The following KCNJ16 variants were observed in gnomAD, a reference collection of about 807,000 sequenced individuals.
The protein encoded by KCNJ16 is potassium inwardly rectifying channel subfamily J member 16, also known as inward rectifier potassium channel 16.
KCNJ16 carries 15 observed loss-of-function variants against 18.5 expected under a neutral mutation model. The observed-to-expected ratio is 0.81, with a 90% confidence interval of 0.54 to 1.25. KCNJ16 has a LOEUF of 1.25. Ranked by LOEUF, KCNJ16 falls within the 50% of genes most tolerant of loss-of-function variation. KCNJ16 has a pLI of 0.00. For synonymous variants in KCNJ16, 174 were observed against 186.5 expected, an observed-to-expected ratio of 0.93 and a Z score of 0.55; for missense variants, 523 against 525.7, an observed-to-expected ratio of 0.99 and a Z score of 0.05.
At chr17:70,119,628 G>A (rs925811089) in intron 2 of KCNJ16, among the ~76,000 whole-genome samples, 93 of 152,190 alleles carry the variant, frequency 6.1e-4, no homozygotes, top group Non-Finnish European at 7.3e-5. Flanking sequence ...TGTGTCTGGG[G>A]CCCTTTGAGC....
intron 2 of KCNJ16, among the ~76,000 whole-genome samples, chr17:70,126,896 G>A (rs1013872060): frequency 6.6e-6 from 1 of 152,136 alleles, no homozygotes; most frequent in African/African-American, 2.4e-5. Context: ...TTGGGGAGAG[G>A]TAGGATTTAT....
At chr17:70,115,373 A>G (rs1442976995) in intron 2 of KCNJ16, among the ~76,000 whole-genome samples, 1 of 152,090 alleles carries the variant, frequency 6.6e-6, no homozygotes, top group East Asian at 1.9e-4. Flanking sequence ...ATTTAGGCAA[A>G]CCTGCATCAT....
intron 1 of KCNJ16, among the ~76,000 whole-genome samples, chr17:70,091,939 T>G (rs376925786): frequency 1.3e-5 from 2 of 152,090 alleles, no homozygotes; most frequent in Admixed American, 1.3e-4. Context: ...ATTTATTGGG[T>G]TGGAGGGGGG....
chr17:70,098,872 T>C (rs543316611), intron 1 of KCNJ16, among the ~76,000 whole-genome samples: 77 of 152,316 alleles, frequency 5.1e-4, no homozygotes, highest in Non-Finnish European at 1.0e-3. Flanking sequence ...ATATATAACA[T>C]TTTTTAAAGA....
intron 2 of KCNJ16, among the ~76,000 whole-genome samples, chr17:70,119,219 C>T (rs1453546547): frequency 6.6e-6 from 1 of 152,218 alleles, no homozygotes; most frequent in Non-Finnish European, 1.5e-5. Flanking sequence ...TGTGGCTTTA[C>T]AGGGTTTAGT....
chr17:70,095,028 C>T (rs2072290843), intron 1 of KCNJ16, among the ~76,000 whole-genome samples: 1 of 152,066 alleles, frequency 6.6e-6, no homozygotes, highest in Admixed American at 6.5e-5. Flanking sequence ...GAAAACCAAG[C>T]TTCCCTAAAA....
At chr17:70,106,182 A>T (rs879767130) in intron 2 of KCNJ16, among the ~76,000 whole-genome samples, 1 of 152,182 alleles carries the variant, frequency 6.6e-6, no homozygotes, top group African/African-American at 2.4e-5. Flanking sequence ...AGTCAGGATG[A>T]TCTGTCTCGT....
At chr17:70,102,376 C>A (rs966872026) in intron 2 of KCNJ16, among the ~76,000 whole-genome samples, 1 of 151,546 alleles carries the variant, frequency 6.6e-6, no homozygotes, top group South Asian at 2.1e-4. Context: ...TACAGGCATG[C>A]GCCACCACGC....
At chr17:70,123,274 A>G (rs893723756) in intron 2 of KCNJ16, among the ~76,000 whole-genome samples, 1 of 150,504 alleles carries the variant, frequency 6.6e-6, no homozygotes, top group African/African-American at 2.4e-5. Context: ...TATTGAAAAG[A>G]TAACAGTTTA....
At position 70,134,895 on chromosome 17, in the gene KCNJ16, G is replaced by A. The variant is rs2074175193; in HGVS notation, c.*1551G>A. 6.0e-6 allele frequency: 1 copy of A among 166,612 alleles called. No individual in the cohort carries two copies. The highest frequency in any genetic ancestry group is 6.6e-5 in the Admixed American group (1 of 15,232). 10.3% of individuals were successfully genotyped at this position (166,612 alleles called of 1,614,324 possible). On this transcript the variant is annotated 3_prime_UTR_variant, in exon 4 of 4. Coordinates refer to ENST00000392671, the MANE Select transcript of KCNJ16 (RefSeq NM_170741.4). ...ATTAGAAATACAAGTAAAATATATA[G>A]GTATAGGTAGATAGAGTGCCTTTCT...
chr17:70,093,093 TAA>T (rs1019837589), intron 1 of KCNJ16, among the ~76,000 whole-genome samples: 4 of 152,124 alleles, frequency 2.6e-5, no homozygotes, highest in Admixed American at 6.5e-5. Context: ...TGAAAGTTAG[TAA>T]AAGATTCCTC....
At chr17:70,108,468 A>AAT (rs10647082) in intron 2 of KCNJ16, 26,742 of 152,010 alleles carry the variant, frequency 0.18, 4,414 homozygotes, top group African/African-American at 0.44. Context: ...TGCATAGTTT[A>AAT]AAAGACAAAT....
intron 2 of KCNJ16, among the ~76,000 whole-genome samples, chr17:70,114,772 G>A (rs2073335177): frequency 6.6e-6 from 1 of 152,080 alleles, no homozygotes; most frequent in Non-Finnish European, 1.5e-5. Flanking sequence ...ATTAATGGCG[G>A]GGGAAAAAAA....
intron 2 of KCNJ16, among the ~76,000 whole-genome samples, chr17:70,116,514 A>T (rs2073412836): frequency 6.6e-6 from 1 of 152,240 alleles, no homozygotes; most frequent in Non-Finnish European, 1.5e-5. Flanking sequence ...GCTTACCTCC[A>T]GAAATAGTTC....
intron 1 of KCNJ16, among the ~76,000 whole-genome samples, chr17:70,095,249 C>T (rs1462232393): frequency 1.6e-5 from 2 of 121,984 alleles, no homozygotes; most frequent in African/African-American, 6.1e-5. Flanking sequence ...CAAATAAATA[C>T]TGGCCAGACC....
At chr17:70,112,382 G>T in intron 2 of KCNJ16, among the ~76,000 whole-genome samples, 1 of 150,388 alleles carries the variant, frequency 6.6e-6, no homozygotes. Context: ...TTTTAATGAG[G>T]GCATCCAGTC....
At chr17:70,088,012 ACT>A (rs1490592465) in intron 1 of KCNJ16, among the ~76,000 whole-genome samples, 44 of 82,126 alleles carry the variant, frequency 5.4e-4, no homozygotes, top group African/African-American at 2.2e-3. Flanking sequence ...ACAGAGCAAG[ACT>A]CTGTCTCAAA....
intron 1 of KCNJ16, among the ~76,000 whole-genome samples, chr17:70,087,375 T>C (rs1345967225): frequency 6.6e-6 from 1 of 152,088 alleles, no homozygotes; most frequent in Non-Finnish European, 1.5e-5. Context: ...ACCACTACAG[T>C]GTCCTCTTTC....
intron 2 of KCNJ16, among the ~76,000 whole-genome samples, chr17:70,121,294 G>A (rs1365457111): frequency 1.3e-5 from 2 of 152,178 alleles, no homozygotes; most frequent in Non-Finnish European, 2.9e-5. Flanking sequence ...ATATTTTGGG[G>A]TGGCATTTCC....
Sources: allele counts gnomAD v4.1 joint callset (sites outside exome capture counted in the v4.1 genomes callset), GRCh38; gene constraint gnomAD v4.1.1; transcripts MANE v1.5; gene names NCBI Gene and HGNC (gene_info 2026-07-23, HGNC 2026-07-21).